TLR6: variants seen among roughly 807,000 people sequenced by gnomAD.
TLR6 encodes the protein toll-like receptor 6.
A neutral mutation model predicts 16.1 loss-of-function variants in TLR6; 9 were observed. That is an observed-to-expected ratio of 0.56 (90% CI 0.34 to 0.98). The LOEUF (loss-of-function observed/expected upper bound fraction) is 0.98. Among genes scored for constraint, TLR6 ranks in the 50% least tolerant of loss-of-function variants. TLR6 has a pLI of 0.02. For synonymous variants in TLR6, 340 were observed against 338.6 expected (o/e 1.00, Z -0.04); for missense variants, 786 against 921.0 (o/e 0.85, Z 1.90).
chr4:38,832,652 A>G (rs190153780), intron 1 of TLR6, among the ~76,000 whole-genome samples: 3 of 152,272 alleles, frequency 2.0e-5, no homozygotes, highest in East Asian at 3.9e-4. Context: ...CTGGGGCCCA[A>G]CAACCCTGAA....
exon 2 of TLR6, chr4:38,824,791 G>A (rs558691131): frequency 1.0e-3 from 158 of 152,238 alleles, no homozygotes; most frequent in African/African-American, 3.7e-3. Context: ...TATGAAACCA[G>A]ATTTTTTTTC....
At chr4:38,836,558 C>A (rs1711928703) in intron 1 of TLR6, among the ~76,000 whole-genome samples, 1 of 152,144 alleles carries the variant, frequency 6.6e-6, no homozygotes, top group Non-Finnish European at 1.5e-5. Context: ...ACAATTAACA[C>A]AAAGTTTTCT....
the TLR6 span, among the ~76,000 whole-genome samples, chr4:38,867,361 G>T: frequency 1.3e-5 from 2 of 152,236 alleles, no homozygotes; most frequent in African/African-American, 2.4e-5. Context: ...TCTGGAAAGT[G>T]GGTTTTCGTT....
chr4:38,864,609 T>C, the TLR6 span, among the ~76,000 whole-genome samples: 1 of 152,208 alleles, frequency 6.6e-6, no homozygotes, highest in East Asian at 1.9e-4. Context: ...TTCTCAAAAA[T>C]ATAATGCAAG....
At chr4:38,823,312 G>C (rs1241930485), downstream of TLR6, among the ~76,000 whole-genome samples, 1 of 152,188 alleles carries the variant, frequency 6.6e-6, no homozygotes, top group Non-Finnish European at 1.5e-5. Context: ...CAATCACCTA[G>C]AAGCAACAGG....
At chr4:38,823,199 G>A (rs1190753410), downstream of TLR6, among the ~76,000 whole-genome samples, 1 of 152,172 alleles carries the variant, frequency 6.6e-6, no homozygotes, top group Non-Finnish European at 1.5e-5. Flanking sequence ...CCACATCAGT[G>A]CCCTATACAG....
At chr4:38,864,288 T>G in the TLR6 span, among the ~76,000 whole-genome samples, 2 of 152,200 alleles carry the variant, frequency 1.3e-5, no homozygotes, top group African/African-American at 4.8e-5. Flanking sequence ...TTTGCTTCTT[T>G]TGTACTCCAA....
chr4:38,836,693 C>T (rs1372575070), intron 1 of TLR6, among the ~76,000 whole-genome samples: 2 of 152,048 alleles, frequency 1.3e-5, no homozygotes, highest in South Asian at 2.1e-4. Flanking sequence ...AATCCCAGAA[C>T]TTTGGGAGGC....
At chr4:38,839,918 T>A (rs550799771) in intron 1 of TLR6, among the ~76,000 whole-genome samples, 2 of 152,340 alleles carry the variant, frequency 1.3e-5, no homozygotes, top group African/African-American at 4.8e-5. Context: ...TGAGCTAGAC[T>A]TTCAGCAGTG....
chr4:38,853,866 G>A (rs1712864474), intron 1 of TLR6, among the ~76,000 whole-genome samples: 1 of 152,154 alleles, frequency 6.6e-6, no homozygotes, highest in Admixed American at 6.5e-5. Flanking sequence ...ATAGTACTAT[G>A]TAGCCTTTAA....
At position 38,835,541 on chromosome 4, in the gene TLR6, C is replaced by T. The variant is rs77215833; in HGVS notation, c.-64-6004G>A. On this transcript the variant is annotated intron_variant, in intron 1 of 1. Transcript: ENST00000436693. Reference sequence around the variant, plus strand: ...AATGGTTGGGAACTTCAACATCCCACTCTCAGCATTGAACAGATCATTTAG... The same window carrying T: ...AATGGTTGGGAACTTCAACATCCCATTCTCAGCATTGAACAGATCATTTAG... 8.2e-3 allele frequency among the ~76,000 whole-genome samples: 1,247 copies of T among 152,302 alleles called. 22 individuals carry two copies. The highest frequency in any genetic ancestry group is 0.028 in the African/African-American group (1,165 of 41,556).
At chr4:38,843,549 T>C (rs1261252527) in intron 1 of TLR6, 1 of 152,144 alleles carries the variant, frequency 6.6e-6, no homozygotes, top group Non-Finnish European at 1.5e-5. Flanking sequence ...AAGAGATGAG[T>C]CCTTTATTTA....
At chr4:38,844,873 G>A (rs933055191) in intron 1 of TLR6, among the ~76,000 whole-genome samples, 1 of 152,074 alleles carries the variant, frequency 6.6e-6, no homozygotes, top group Non-Finnish European at 1.5e-5. Flanking sequence ...TGCCAACATG[G>A]TGAAACCCTG....
chr4:38,852,655 G>A (rs549548108), intron 1 of TLR6, among the ~76,000 whole-genome samples: 1 of 151,982 alleles, frequency 6.6e-6, no homozygotes, highest in South Asian at 2.1e-4. Flanking sequence ...GGCCATCAGA[G>A]AAATGCAAAT....
intron 1 of TLR6, among the ~76,000 whole-genome samples, chr4:38,853,793 A>T (rs1712862283): frequency 6.6e-6 from 1 of 152,214 alleles, no homozygotes; most frequent in Non-Finnish European, 1.5e-5. Context: ...TTTGAAAACA[A>T]ATCCCTCAAT....
At chr4:38,855,211 C>CA (rs3042439) in intron 1 of TLR6, among the ~76,000 whole-genome samples, 31,756 of 108,506 alleles carry the variant, frequency 0.29, 4,152 homozygotes, top group Non-Finnish European at 0.32. Flanking sequence ...GACTCCGTCT[C>CA]AAAAAAAAAA....
At chr4:38,839,875 C>G (rs1315638503) in intron 1 of TLR6, among the ~76,000 whole-genome samples, 1 of 152,200 alleles carries the variant, frequency 6.6e-6, no homozygotes, top group Admixed American at 6.5e-5. Context: ...GCCTGAGAAA[C>G]CTCCGATGGG....
chr4:38,856,068 A>G (rs749195280), intron 1 of TLR6, among the ~76,000 whole-genome samples: 2 of 152,222 alleles, frequency 1.3e-5, no homozygotes, highest in African/African-American at 2.4e-5. Flanking sequence ...AATAGGCAAG[A>G]AAAACATTGT....
At chr4:38,843,651 GA>G (rs1712385677) in intron 1 of TLR6, 1 of 152,220 alleles carries the variant, frequency 6.6e-6, no homozygotes, top group African/African-American at 2.4e-5. Flanking sequence ...TTCTTTGGAA[GA>G]GTGAAAACTC....
Sources: allele counts gnomAD v4.1 joint callset (sites outside exome capture counted in the v4.1 genomes callset), GRCh38; gene constraint gnomAD v4.1.1; transcripts MANE v1.5; gene names NCBI Gene and HGNC (gene_info 2026-07-23, HGNC 2026-07-21).